GTF3C5: variants seen among roughly 807,000 people sequenced by gnomAD.
GTF3C5 encodes the protein general transcription factor IIIC subunit 5, also known as general transcription factor 3C polypeptide 5.
GTF3C5 carries 47 observed loss-of-function variants against 61.0 expected under a neutral mutation model. The ratio of observed to expected loss-of-function variants is 0.77; its 90% confidence interval spans 0.61 to 0.98. The LOEUF is 0.98. Ranked by LOEUF, GTF3C5 falls within the 50% of genes least tolerant of loss-of-function variation. GTF3C5 has a pLI of 0.00. For synonymous variants in GTF3C5, 295 were observed against 275.4 expected, an observed-to-expected ratio of 1.07 and a Z score of -0.71; for missense variants, 659 against 703.3, an observed-to-expected ratio of 0.94 and a Z score of 0.71.
Position 133,058,239 on chromosome 9 carries a change from A to T in GTF3C5, c.*259A>T. 9.0e-7 allele frequency: 1 copy of T among 1,114,048 alleles called. No individual in the cohort carries two copies. Among genetic ancestry groups the T allele is most frequent in the Non-Finnish European group, 1.1e-6 (1 of 873,386 alleles). The allele number at this position is 1,114,048 out of a possible 1,614,324, so 69.0% of individuals were successfully genotyped here. On this transcript the variant is annotated 3_prime_UTR_variant, in exon 11 of 11. Transcript: ENST00000372097. ...TCTGCCACCCATGAACCAGCCCAGCATCCAGCCAGTGAGTGGGCACCCAAT... is the reference window on the plus strand; with the variant it reads ...TCTGCCACCCATGAACCAGCCCAGCTTCCAGCCAGTGAGTGGGCACCCAAT...
chr9:133,047,802 G>A (rs1000082477), intron 3 of GTF3C5, among the ~76,000 whole-genome samples: 24 of 152,182 alleles, frequency 1.6e-4, no homozygotes, highest in African/African-American at 5.3e-4. Flanking sequence ...GATTACAGGC[G>A]TAAGCCACCG....
intron 1 of GTF3C5, 99 bp downstream of exon 1, chr9:133,031,263 A>G (rs1849724214): frequency 4.7e-6 from 5 of 1,058,956 alleles, no homozygotes; most frequent in Non-Finnish European, 5.4e-6. Flanking sequence ...TAGCAAATTT[A>G]CTTACGCAGA....
chr9:133,054,617 G>T, intron 7 of GTF3C5, 95 bp from the exon 8 acceptor site: 1 of 1,415,912 alleles, frequency 7.1e-7, no homozygotes, highest in East Asian at 2.5e-5. Flanking sequence ...TCCCCTAGGA[G>T]GGGGTGGGCT....
intron 10 of GTF3C5, 129 bp from the exon 11 acceptor site, chr9:133,057,685 A>T: frequency 1.2e-6 from 1 of 800,516 alleles, no homozygotes; most frequent in Non-Finnish European, 1.9e-6. Flanking sequence ...ATACTTACCC[A>T]CCAGCTTCTT....
In GTF3C5 at chr9:133,057,975, G is replaced by A. The variant is rs778852961; in HGVS notation, c.1555G>A (p.Val519Met). The A allele has an allele frequency of 6.8e-5, 110 of 1,613,766 alleles. No homozygotes were observed. Among genetic ancestry groups the A allele is most frequent in the East Asian group, 1.6e-4 (7 of 44,888 alleles). ...AATGGAGACAGAGATTCTGGACTAC[G>A]TGTGACAGGGCCCAAGGCTGGGCCT... is the stretch of plus-strand genomic sequence containing the variant. ...NEMETEILDYV is the reference protein window; with the variant it reads ...NEMETEILDYM The change falls in exon 11 of 11, where the codon GTG (valine) becomes ATG (methionine). Residue 519 changes from valine to methionine, a missense_variant. Val to Met is a conservative substitution (Grantham distance 21). Transcript: ENST00000372097.
chr9:133,037,921 C>G (rs534477067), intron 1 of GTF3C5, among the ~76,000 whole-genome samples: 1 of 152,254 alleles, frequency 6.6e-6, no homozygotes, highest in East Asian at 1.9e-4. Context: ...TGCTGTGCTG[C>G]TCGCTCTTCT....
At position 133,053,809 on chromosome 9, in the gene GTF3C5, C is replaced by T. The variant is rs756047370; in HGVS notation, c.874-19C>T. On this transcript the variant is annotated intron_variant, in intron 5 of 10. Transcript: ENST00000372097. ...GGGCCTTCACCTCACCTCACATTTT[C>T]CCCACTTTTCTGTCCCAGATAACAG... The T allele has an allele frequency of 6.5e-7, 1 of 1,533,968 alleles. No homozygotes were observed.
At chr9:133,032,358 A>G (rs1849756436) in intron 1 of GTF3C5, among the ~76,000 whole-genome samples, 1 of 152,200 alleles carries the variant, frequency 6.6e-6, no homozygotes, top group Non-Finnish European at 1.5e-5. Flanking sequence ...TGTGGGTTAC[A>G]GTGACGGGAC....
intron 1 of GTF3C5, among the ~76,000 whole-genome samples, chr9:133,032,449 G>C (rs1849758993): frequency 6.6e-6 from 1 of 152,200 alleles, no homozygotes; most frequent in African/African-American, 2.4e-5. Flanking sequence ...GAGGCACAAA[G>C]AACAAGGAAG....
intron 2 of GTF3C5, among the ~76,000 whole-genome samples, chr9:133,043,454 G>A (rs1391947118): frequency 2.0e-5 from 3 of 152,200 alleles, no homozygotes; most frequent in Non-Finnish European, 4.4e-5. Context: ...ACAGTTAAAA[G>A]TAACATTCAT....
chr9:133,041,392 TAGC>T (rs1482777342), intron 1 of GTF3C5, among the ~76,000 whole-genome samples: 1 of 152,220 alleles, frequency 6.6e-6, no homozygotes, highest in African/African-American at 2.4e-5. Flanking sequence ...GCCTTTTAGA[TAGC>T]AGTAGTAAAT....
At chr9:133,052,027 G>T in intron 4 of GTF3C5, 33 bp from the exon 5 acceptor site, 2 of 1,166,218 alleles carry the variant, frequency 1.7e-6, no homozygotes, top group Non-Finnish European at 2.5e-6. Context: ...AGCTGCTGGT[G>T]CTCATCTCAG....
At chr9:133,042,725 C>T (rs1211183945) in intron 2 of GTF3C5, among the ~76,000 whole-genome samples, 4 of 152,194 alleles carry the variant, frequency 2.6e-5, no homozygotes, top group Admixed American at 2.6e-4. Context: ...GCAGGTTGAA[C>T]GTCCCTCGTG....
At chr9:133,048,297 C>T (rs1850263653) in intron 3 of GTF3C5, among the ~76,000 whole-genome samples, 1 of 152,162 alleles carries the variant, frequency 6.6e-6, no homozygotes, top group Admixed American at 6.5e-5. Flanking sequence ...CAGATCAAGA[C>T]CATCCTGGCT....
chr9:133,043,839 A>G lies in GTF3C5; in HGVS notation c.485A>G (p.Gln162Arg). ...LRPEKEAFFH[Q>R]ELPLYIPPPI... ...CCCGAGAAGGAGGCCTTTTTCCACC[A>G]GGAGCTGCCGCTCTACATCCCCCCA... Residue 162 changes from glutamine (Q) to arginine (R), a missense_variant, in exon 3 of 11, where the codon CAG (glutamine) becomes CGG (arginine). Physicochemically the swap from Gln to Arg is conservative, Grantham distance 43. Coordinates refer to ENST00000372097, the MANE Select transcript of GTF3C5 (RefSeq NM_012087.4). 1.2e-6 allele frequency: 2 copies of G among 1,613,960 alleles called. No homozygotes were observed. Among genetic ancestry groups the G allele is most frequent in the Non-Finnish European group, 1.7e-6 (2 of 1,179,924 alleles).
chr9:133,047,642 C>T (rs1444848585), intron 3 of GTF3C5, among the ~76,000 whole-genome samples: 2 of 152,088 alleles, frequency 1.3e-5, no homozygotes, highest in African/African-American at 2.4e-5. Flanking sequence ...CTGCCTCAGC[C>T]TCCCGAGTAG....
rs1351757246 is a variant in GTF3C5 at position 133,031,002 on chromosome 9, A to C, written c.-10A>C. The C allele has an allele frequency of 1.9e-6, 3 of 1,612,312 alleles. No individual in the cohort carries two copies. Among genetic ancestry groups the C allele is most frequent in the Admixed American group, 1.7e-5 (1 of 59,900 alleles). On this transcript the variant is annotated 5_prime_UTR_variant, in exon 1 of 11. Coordinates refer to ENST00000372097, the MANE Select transcript of GTF3C5 (RefSeq NM_012087.4). ...GACGGACCCTGGCGGGCCCTGCCAG[A>C]CGCACAGGGATGGCGGCGGAGGCGG...
chr9:133,050,868 A>G lies in GTF3C5; in HGVS notation c.658A>G (p.Asn220Asp), dbSNP rs764531620. The G allele has an allele frequency of 1.9e-6, 3 of 1,612,610 alleles. No individual in the cohort carries two copies. In the Admixed American group the frequency reaches 5.0e-5, roughly 27 times the overall value. The change falls in exon 4 of 11, where the codon AAC becomes GAC. Residue 220 changes from asparagine to aspartate, a missense_variant. Transcript: ENST00000372097. ...ARRPHNAIFV[N>D]FEDEEVPKQP... Reference sequence around the variant, plus strand: ...GCGCCCCCACAATGCCATCTTTGTCAACTTTGAGGATGAGGAGGTGCCCAA... The same window carrying G: ...GCGCCCCCACAATGCCATCTTTGTCGACTTTGAGGATGAGGAGGTGCCCAA...
intron 4 of GTF3C5, among the ~76,000 whole-genome samples, 159 bp downstream of exon 4, chr9:133,051,137 A>G (rs547555323): frequency 1.3e-5 from 2 of 152,364 alleles, no homozygotes; most frequent in South Asian, 2.1e-4. Flanking sequence ...TGCCATGTCT[A>G]AAGGCTGTGT....
Sources: allele counts gnomAD v4.1 joint callset (sites outside exome capture counted in the v4.1 genomes callset), GRCh38; gene constraint gnomAD v4.1.1; transcripts MANE v1.5; gene names NCBI Gene and HGNC (gene_info 2026-07-23, HGNC 2026-07-21).